SMAD6: variants seen among roughly 807,000 people sequenced by gnomAD.
The protein encoded by SMAD6 is MAD homolog 6.
Under a neutral mutation model 39.4 loss-of-function variants are expected in SMAD6, and 103 were observed. The ratio of observed to expected loss-of-function variants is 2.62; its 90% CI spans 2.23 to 3.08. The LOEUF (loss-of-function observed/expected upper bound fraction) is 3.08, where lower values mean the gene tolerates loss of function less well. Among genes scored for constraint, SMAD6 ranks in the 30% most tolerant of loss-of-function variants. The pLI is 0.00. For missense variants in SMAD6, 1,104 were observed against 742.9 expected, an observed-to-expected ratio of 1.49 and a Z score of -5.65; for synonymous variants, 445 against 353.3, an observed-to-expected ratio of 1.26 and a Z score of -2.91.
At chr15:66,733,671 G>A (rs1383140124) in intron 3 of SMAD6, among the ~76,000 whole-genome samples, 1 of 152,182 alleles carries the variant, frequency 6.6e-6, no homozygotes, top group East Asian at 1.9e-4. Context: ...GCTTGGTGTT[G>A]AGTGTGTTTT....
chr15:66,780,444 C>G (rs1894537723), intron 3 of SMAD6, among the ~76,000 whole-genome samples: 2 of 152,170 alleles, frequency 1.3e-5, no homozygotes, highest in Non-Finnish European at 2.9e-5. Flanking sequence ...AATAGCCTAA[C>G]CCTACTCTGT....
intron 3 of SMAD6, among the ~76,000 whole-genome samples, chr15:66,728,824 G>A (rs550939615): frequency 6.6e-6 from 1 of 152,284 alleles, no homozygotes; most frequent in African/African-American, 2.4e-5. Context: ...ATGGTTTCCA[G>A]TTATTGATAG....
chr15:66,771,808 C>T (rs1288369220), intron 3 of SMAD6, among the ~76,000 whole-genome samples: 2 of 152,148 alleles, frequency 1.3e-5, no homozygotes, highest in African/African-American at 4.8e-5. Flanking sequence ...GCAGCCCTTT[C>T]CCAAGATCAA....
chr15:66,721,995 C>T (rs1032442899), intron 3 of SMAD6, among the ~76,000 whole-genome samples: 3 of 152,104 alleles, frequency 2.0e-5, no homozygotes, highest in Admixed American at 2.0e-4. Context: ...ATGCAAAGAC[C>T]TGGAGGTGTG....
At chr15:66,755,065 A>G (rs1464848244) in intron 3 of SMAD6, among the ~76,000 whole-genome samples, 1 of 152,128 alleles carries the variant, frequency 6.6e-6, no homozygotes, top group Non-Finnish European at 1.5e-5. Flanking sequence ...CATACGGTCC[A>G]TATTTGTTTT....
chr15:66,711,740 T>C lies in SMAD6; in HGVS notation c.874+16T>C. ...AAGCCACTGGGTAAGTGTGCCCTCC[T>C]TCCTACCCTTGCAGAGGTGTGTCCC... On this transcript the variant is annotated intron_variant, in intron 2 of 3. Transcript: ENST00000288840. The C allele has an allele frequency of 6.2e-7, 1 of 1,605,808 alleles. No homozygotes were observed.
chr15:66,780,905 C>A, intron 3 of SMAD6, 92 bp from the exon 4 acceptor site: 1 of 1,287,754 alleles, frequency 7.8e-7, no homozygotes, highest in Non-Finnish European at 1.1e-6. Flanking sequence ...ACCCAGCTCC[C>A]ACTGTGCAGA....
chr15:66,747,289 C>T lies in SMAD6; in HGVS notation c.952+30791C>T, dbSNP rs1474278261. Among the ~76,000 whole-genome samples, 1 of 152,266 alleles carries T rather than the reference C, an allele frequency of 6.6e-6. No homozygotes were observed. Among genetic ancestry groups the T allele is most frequent in the Non-Finnish European group, 1.5e-5 (1 of 68,044 alleles). On this transcript the variant is annotated intron_variant, in intron 3 of 3. Transcript: ENST00000288840. This position sits in a 1 kb window ranked among gnomAD's most constrained non-coding sequence, Gnocchi z 4.5. The stretch of plus-strand genomic sequence containing the variant: ...GCCATGGGCCTCTGGCTGCCAAGGC[C>T]TGGCCTTCCCACCACACCTGCCCTT...
At chr15:66,735,929 A>G (rs1893705173) in intron 3 of SMAD6, among the ~76,000 whole-genome samples, 1 of 152,236 alleles carries the variant, frequency 6.6e-6, no homozygotes, top group Non-Finnish European at 1.5e-5. Context: ...GAGGACCTGG[A>G]CAGGGTGTGT....
At chr15:66,780,008 A>C (rs1404862698) in intron 3 of SMAD6, among the ~76,000 whole-genome samples, 1 of 152,208 alleles carries the variant, frequency 6.6e-6, no homozygotes, top group Non-Finnish European at 1.5e-5. Context: ...TCCTCCAGAC[A>C]CACAGACGGC....
At chr15:66,712,628 T>C (rs1893253373) in intron 2 of SMAD6, among the ~76,000 whole-genome samples, 1 of 140,970 alleles carries the variant, frequency 7.1e-6, no homozygotes, top group African/African-American at 2.7e-5. Flanking sequence ...GAGGTTGCAG[T>C]GAGCTGAGGT....
intron 3 of SMAD6, among the ~76,000 whole-genome samples, chr15:66,745,503 C>T (rs533245699): frequency 1.2e-4 from 19 of 152,326 alleles, no homozygotes; most frequent in African/African-American, 4.3e-4. Flanking sequence ...CCCTTCCCCA[C>T]GGGTCAAGGG....
In SMAD6 at chr15:66,703,900, C is replaced by G. The variant is rs1392322147; in HGVS notation, c.642C>G (p.Arg214=). The change falls in exon 1 of 4, where the codon CGC becomes CGG. Residue 214 remains arginine, a synonymous_variant. Transcript: ENST00000288840. ...GCVLVPRADL[R]LGGQPAPPQL... ...TGCTGGTGCCGCGCGCCGACCTCCGCCTGGGCGGCCAGCCCGCGCCGCCGC... is the reference window on the plus strand; with the variant it reads ...TGCTGGTGCCGCGCGCCGACCTCCGGCTGGGCGGCCAGCCCGCGCCGCCGC... 1.5e-6 allele frequency: 2 copies of G among 1,291,332 alleles called. No homozygotes were observed. Among genetic ancestry groups the G allele is most frequent in the Admixed American group, 8.0e-5 (2 of 24,854 alleles). The allele number at this position is 1,291,332 out of a possible 1,614,324, so 80.0% of individuals were successfully genotyped here.
intron 3 of SMAD6, among the ~76,000 whole-genome samples, chr15:66,775,496 C>T (rs145195055): frequency 1.6e-4 from 25 of 152,136 alleles, no homozygotes; most frequent in African/African-American, 5.5e-4. Flanking sequence ...TCTCATTGTT[C>T]GGATGGGAAG....
chr15:66,718,195 T>G (rs1014778033), intron 3 of SMAD6, among the ~76,000 whole-genome samples: 1 of 151,654 alleles, frequency 6.6e-6, no homozygotes, highest in African/African-American at 2.4e-5. Context: ...TTTGCAGATG[T>G]AATCTCATTT....
chr15:66,713,264 G>A (rs1426303779), intron 2 of SMAD6, among the ~76,000 whole-genome samples: 1 of 152,202 alleles, frequency 6.6e-6, no homozygotes, highest in African/African-American at 2.4e-5. Flanking sequence ...GTTTTGTTTG[G>A]TTTTTGGTAA....
At chr15:66,711,991 C>T (rs1490073373) in intron 2 of SMAD6, among the ~76,000 whole-genome samples, 1 of 152,214 alleles carries the variant, frequency 6.6e-6, no homozygotes, top group African/African-American at 2.4e-5. Flanking sequence ...AAACATGGGC[C>T]TGTCGAAGAT....
intron 3 of SMAD6, among the ~76,000 whole-genome samples, chr15:66,761,657 TG>T (rs1294389045): frequency 6.6e-6 from 1 of 152,202 alleles, no homozygotes. Flanking sequence ...CCTACCCTCC[TG>T]GATGACCTTG....
chr15:66,780,998 C>T lies in SMAD6; in HGVS notation c.954C>T (p.Asp318=), dbSNP rs779204615. Residue 318 remains aspartate, a splice_region_variant and synonymous_variant, in exon 4 of 4, where the codon GAC becomes GAT. Transcript: ENST00000288840. The part of the protein sequence containing the change: ...SLITAPGEFS[D]ASMSPDATKP... ...GCGGTCCCTGTGCTTGTCCCGCAGACGCCAGCATGTCTCCGGACGCCACCA... is the reference window on the plus strand; with the variant it reads ...GCGGTCCCTGTGCTTGTCCCGCAGATGCCAGCATGTCTCCGGACGCCACCA... The T allele has an allele frequency of 3.2e-6, 5 of 1,566,304 alleles. No homozygotes were observed. Among genetic ancestry groups the T allele is most frequent in the Non-Finnish European group, 4.3e-6 (5 of 1,161,510 alleles).
Sources: gnomAD v4.1 joint callset for allele counts (sites outside exome capture counted in the v4.1 genomes callset) on GRCh38, gnomAD v4.1.1 for gene constraint, Gnocchi (gnomAD v3.1) non-coding constraint, MANE v1.5 for transcripts, NCBI Gene and HGNC (gene_info 2026-07-23, HGNC 2026-07-21) for gene names.